The following SCN8A variants were observed in gnomAD, a reference collection of about 807,000 sequenced individuals.
The protein encoded by SCN8A is sodium channel protein type 8 subunit alpha.
A neutral mutation model predicts 184.1 loss-of-function variants in SCN8A; 30 were observed. The ratio of observed to expected loss-of-function variants is 0.16; its 90% CI spans 0.12 to 0.22. SCN8A has a LOEUF of 0.22. Ranked by LOEUF, SCN8A falls within the 10% of genes least tolerant of loss-of-function variation. The probability of loss-of-function intolerance (pLI) is 1.00; values close to 1 mark genes in which losing one functional copy is unlikely to be tolerated. For missense variants in SCN8A, 1,057 were observed against 2,498.9 expected, an observed-to-expected ratio of 0.42 and a Z score of 12.30; for synonymous variants, 852 against 907.0, an observed-to-expected ratio of 0.94 and a Z score of 1.09.
chr12:51,621,559 A>G (rs573996773), intron 1 of SCN8A, among the ~76,000 whole-genome samples: 2 of 152,240 alleles, frequency 1.3e-5, no homozygotes, highest in Non-Finnish European at 1.5e-5. Context: ...GCCACAGACT[A>G]GGACATTGCT....
At chr12:51,688,938 T>C (rs1941463001) in intron 5 of SCN8A, 67 bp from the exon 6 acceptor site, 1 of 1,582,282 alleles carries the variant, frequency 6.3e-7, no homozygotes, top group East Asian at 2.2e-5. Flanking sequence ...TTTTGTTTTT[T>C]CCTTTGGTGT....
At chr12:51,681,164 C>G (rs1440682476) in intron 2 of SCN8A, among the ~76,000 whole-genome samples, 1 of 152,136 alleles carries the variant, frequency 6.6e-6, no homozygotes, top group Non-Finnish European at 1.5e-5. Flanking sequence ...GCCCTATCTA[C>G]CCCGGGGACT....
At chr12:51,632,816 T>A (rs576679345) in intron 1 of SCN8A, among the ~76,000 whole-genome samples, 3 of 152,214 alleles carry the variant, frequency 2.0e-5, no homozygotes, top group Non-Finnish European at 4.4e-5. Flanking sequence ...CAAGCCTTTT[T>A]TGTTCAAGGC....
chr12:51,717,238 A>T (rs1941980755), intron 11 of SCN8A, among the ~76,000 whole-genome samples: 1 of 152,238 alleles, frequency 6.6e-6, no homozygotes, highest in Non-Finnish European at 1.5e-5. Context: ...GATTAAAACA[A>T]AATCCCAAGT....
intron 1 of SCN8A, among the ~76,000 whole-genome samples, chr12:51,648,862 C>G (rs1940648094): frequency 6.6e-6 from 1 of 152,114 alleles, no homozygotes; most frequent in Non-Finnish European, 1.5e-5. Context: ...CATGCCTTCC[C>G]AACAGTCCCC....
At chr12:51,683,772 G>C (rs915917343) in intron 2 of SCN8A, among the ~76,000 whole-genome samples, 1 of 152,096 alleles carries the variant, frequency 6.6e-6, no homozygotes, top group Non-Finnish European at 1.5e-5. Context: ...AGACTATCTT[G>C]TTCACTGACC....
intron 2 of SCN8A, among the ~76,000 whole-genome samples, chr12:51,664,563 A>G (rs1940994533): frequency 6.6e-6 from 1 of 152,046 alleles, no homozygotes; most frequent in Non-Finnish European, 1.5e-5. Context: ...ACCACAGATA[A>G]TTTATGGGGA....
chr12:51,653,477 C>A (rs1375958458), intron 1 of SCN8A, among the ~76,000 whole-genome samples: 2 of 152,060 alleles, frequency 1.3e-5, no homozygotes. Flanking sequence ...TTTCAAGATT[C>A]CTCCATGTTG....
chr12:51,763,272 G>A (rs1015809053), intron 15 of SCN8A, among the ~76,000 whole-genome samples: 22 of 152,094 alleles, frequency 1.4e-4, no homozygotes, highest in African/African-American at 3.1e-4. Flanking sequence ...CCATACAACC[G>A]TCCTGTTTTT....
At chr12:51,760,709 A>G (rs188583512) in intron 14 of SCN8A, among the ~76,000 whole-genome samples, 37 of 152,344 alleles carry the variant, frequency 2.4e-4, no homozygotes, top group African/African-American at 8.7e-4. Context: ...TGTTCCATCT[A>G]TAGATGCTTA....
At chr12:51,694,656 T>G (rs1261631870) in intron 6 of SCN8A, among the ~76,000 whole-genome samples, 1 of 152,188 alleles carries the variant, frequency 6.6e-6, no homozygotes, top group Admixed American at 6.5e-5. Flanking sequence ...TTCTGCTGTT[T>G]TGGATAATTG....
chr12:51,781,910 T>C (rs1363825235), intron 21 of SCN8A, among the ~76,000 whole-genome samples: 1 of 152,204 alleles, frequency 6.6e-6, no homozygotes, highest in Non-Finnish European at 1.5e-5. Flanking sequence ...CAAGACCGAT[T>C]GGAAAAACTA....
chr12:51,699,887 C>A, intron 7 of SCN8A, 96 bp downstream of exon 7: 1 of 1,073,914 alleles, frequency 9.3e-7, no homozygotes, highest in Non-Finnish European at 1.4e-6. Context: ...TAGTTGGAGG[C>A]CGGGCGCGGT....
intron 11 of SCN8A, among the ~76,000 whole-genome samples, chr12:51,715,527 G>A: frequency 6.6e-6 from 1 of 151,804 alleles, no homozygotes; most frequent in East Asian, 1.9e-4. Context: ...CTGGCACTTT[G>A]GGAGGCTGAG....
At chr12:51,739,641 C>A (rs766350016) in intron 12 of SCN8A, among the ~76,000 whole-genome samples, 5 of 152,198 alleles carry the variant, frequency 3.3e-5, no homozygotes, top group Non-Finnish European at 7.3e-5. Flanking sequence ...CCCCTTCTTA[C>A]TCACCATGGG....
At chr12:51,647,136 G>A (rs1001260564) in intron 1 of SCN8A, among the ~76,000 whole-genome samples, 2 of 152,110 alleles carry the variant, frequency 1.3e-5, no homozygotes, top group African/African-American at 2.4e-5. Context: ...TTGAGCCCAG[G>A]AGTTTAAGTC....
At chr12:51,779,218 T>TAAAA (rs1333888474) in intron 20 of SCN8A, among the ~76,000 whole-genome samples, 1 of 36,982 alleles carries the variant, frequency 2.7e-5, no homozygotes. Flanking sequence ...AGACTTTGTC[T>TAAAA]CAAAAAAAAA....
rs1251355244 is a variant in SCN8A, at chr12:51,687,342, A to G, written c.614+123A>G. On this transcript the variant is annotated intron_variant, in intron 5 of 26. Transcript: ENST00000627620. Reference sequence around the variant, plus strand: ...CTGTATGAGGAATTAATGGATAACCATGTAAGGCCCTGTGGGCTTATGTCT... The same window carrying G: ...CTGTATGAGGAATTAATGGATAACCGTGTAAGGCCCTGTGGGCTTATGTCT... 2.7e-6 allele frequency: 3 copies of G among 1,111,412 alleles called. No homozygotes were observed. The African/African-American group carries it at 4.7e-5, about 17-fold the overall frequency. The allele number at this position is 1,111,412 out of a possible 1,614,324, so 68.8% of individuals were successfully genotyped here.
chr12:51,595,335 T>A (rs1287000144), intron 1 of SCN8A, among the ~76,000 whole-genome samples: 1 of 152,180 alleles, frequency 6.6e-6, no homozygotes, highest in Non-Finnish European at 1.5e-5. Context: ...GAATGGGAAG[T>A]AAATGCAGTC....
Sources: allele counts gnomAD v4.1 joint callset (sites outside exome capture counted in the v4.1 genomes callset), GRCh38; gene constraint gnomAD v4.1.1; transcripts MANE v1.5; gene names NCBI Gene and HGNC (gene_info 2026-07-23, HGNC 2026-07-21).